Variants in SORCS2 observed in about 807,000 individuals in gnomAD.
The protein encoded by SORCS2 is sortilin related VPS10 domain containing receptor 2, also known as VPS10 domain-containing receptor SorCS2.
Under a neutral mutation model 141.6 loss-of-function variants are expected in SORCS2, and 100 were observed. The ratio of observed to expected loss-of-function variants is 0.71; its 90% CI spans 0.60 to 0.83. The LOEUF is 0.83. Among genes scored for constraint, SORCS2 ranks in the 40% least tolerant of loss-of-function variants. SORCS2 has a pLI of 0.00. For synonymous variants in SORCS2, 789 were observed against 676.9 expected (o/e 1.17, Z -2.57); for missense variants, 1,646 against 1,560.2 (o/e 1.05, Z -0.93).
intron 2 of SORCS2, among the ~76,000 whole-genome samples, chr4:7,435,218 G>T (rs569659814): frequency 6.6e-6 from 1 of 152,294 alleles, no homozygotes; most frequent in Admixed American, 6.5e-5. Flanking sequence ...AGTTCCTGGG[G>T]TTCCCTTCCC....
chr4:7,573,159 A>C (rs769139271), intron 3 of SORCS2, among the ~76,000 whole-genome samples: 11 of 152,244 alleles, frequency 7.2e-5, no homozygotes, highest in Non-Finnish European at 1.2e-4. Flanking sequence ...AAAAATGCGC[A>C]ATCCACCTTT....
At chr4:7,550,109 CGT>C (rs770140477) in intron 3 of SORCS2, among the ~76,000 whole-genome samples, 16 of 129,758 alleles carry the variant, frequency 1.2e-4, no homozygotes, top group Admixed American at 2.4e-4. Flanking sequence ...TTTTTTTTTC[CGT>C]GTGTGTGTGT....
chr4:7,721,251 G>A lies in SORCS2; in HGVS notation c.2425-2446G>A, dbSNP rs140280247. Among the ~76,000 whole-genome samples, 600 of 152,302 alleles carry A rather than the reference G, an allele frequency of 3.9e-3. 2 individuals are homozygous for A. Among genetic ancestry groups the A allele is most frequent in the Admixed American group, 8.3e-3 (127 of 15,306 alleles). The stretch of plus-strand genomic sequence containing the variant: ...AGGCCGAGGTGGGTGGATCAGCTGA[G>A]GTCGGGAGTTCGAGACCAGCCTGGC... On this transcript the variant is annotated intron_variant, in intron 18 of 26. Coordinates refer to ENST00000507866, the MANE Select transcript of SORCS2 (RefSeq NM_020777.3).
At chr4:7,342,321 G>A (rs549859593) in intron 1 of SORCS2, among the ~76,000 whole-genome samples, 5 of 152,356 alleles carry the variant, frequency 3.3e-5, no homozygotes, top group South Asian at 2.1e-4. Context: ...ACGTTGCCCC[G>A]GGCCCTGTGC....
chr4:7,439,212 G>T (rs1560285777), intron 2 of SORCS2, among the ~76,000 whole-genome samples: 1 of 152,088 alleles, frequency 6.6e-6, no homozygotes, highest in East Asian at 1.9e-4. Context: ...ACACACACGT[G>T]TGTATATGTA....
intron 8 of SORCS2, among the ~76,000 whole-genome samples, chr4:7,670,665 C>T (rs1376094129): frequency 6.6e-6 from 1 of 152,180 alleles, no homozygotes; most frequent in African/African-American, 2.4e-5. Context: ...CTTGCAGTTT[C>T]CAGGGCAAGG....
intron 5 of SORCS2, among the ~76,000 whole-genome samples, chr4:7,658,675 GGGTCTGT>G (rs1416533014): frequency 6.6e-6 from 1 of 152,204 alleles, no homozygotes; most frequent in Admixed American, 6.5e-5. Context: ...CACATATGTG[GGGTCTGT>G]GCCACTCAAA....
intron 2 of SORCS2, among the ~76,000 whole-genome samples, chr4:7,519,367 G>A (rs896578798): frequency 9.2e-5 from 14 of 152,190 alleles, no homozygotes; most frequent in African/African-American, 3.4e-4. Flanking sequence ...CCCTCCCACA[G>A]AGCTGGAAGC....
chr4:7,308,927 A>G (rs1003235175), intron 1 of SORCS2, among the ~76,000 whole-genome samples: 1 of 152,144 alleles, frequency 6.6e-6, no homozygotes, highest in African/African-American at 2.4e-5. Context: ...CCTCCATGCC[A>G]AGACCTCCTG....
chr4:7,716,623 G>A (rs13102230), intron 17 of SORCS2, among the ~76,000 whole-genome samples: 70,200 of 151,384 alleles, frequency 0.46, 17,867 homozygotes, highest in Non-Finnish European at 0.59. Context: ...CCACCCATCT[G>A]TCCATCCATC....
chr4:7,724,144 G>GCA, intron 19 of SORCS2, among the ~76,000 whole-genome samples: 1 of 128,466 alleles, frequency 7.8e-6, no homozygotes, highest in Admixed American at 7.5e-5. Flanking sequence ...TGGTGGTGAT[G>GCA]GTCGTGGTGG....
chr4:7,239,626 G>GGCTGGGCCCGGCTGGGTC lies in SORCS2; in HGVS notation c.480+46508_480+46525dup, dbSNP rs538583139. Among the ~76,000 whole-genome samples the GGCTGGGCCCGGCTGGGTC allele has an allele frequency of 3.2e-4, 48 of 152,338 alleles. 1 individual carries two copies. The South Asian group carries it at 6.8e-3, about 22-fold the overall frequency. On this transcript the variant is annotated intron_variant, in intron 1 of 26. Transcript: ENST00000507866. Reference sequence around the variant, plus strand: ...GCTAAAACAGCCCCTGGGGAGCTGGGGCTGGGCCCGGCTGGGTCGCTGGGC... The same window carrying GGCTGGGCCCGGCTGGGTC: ...GCTAAAACAGCCCCTGGGGAGCTGGGGCTGGGCCCGGCTGGGTCGCTGGGCCCGGCTGGGTCGCTGGGC...
intron 2 of SORCS2, among the ~76,000 whole-genome samples, chr4:7,480,973 T>C (rs984746638): frequency 6.6e-6 from 1 of 152,126 alleles, no homozygotes; most frequent in Admixed American, 6.5e-5. Flanking sequence ...GCCTGTGAGG[T>C]GACAGGAGAG....
At chr4:7,621,839 G>C (rs1719215760) in intron 3 of SORCS2, among the ~76,000 whole-genome samples, 1 of 152,216 alleles carries the variant, frequency 6.6e-6, no homozygotes, top group Admixed American at 6.5e-5. Context: ...GAAAAGCGGG[G>C]CTGGCAGCAG....
chr4:7,198,906 C>T (rs1727326922), intron 1 of SORCS2, among the ~76,000 whole-genome samples: 1 of 152,172 alleles, frequency 6.6e-6, no homozygotes, highest in South Asian at 2.1e-4. Context: ...GGCTTCTGCC[C>T]TTGCCCCAGT....
intron 1 of SORCS2, among the ~76,000 whole-genome samples, chr4:7,195,502 G>C (rs991431655): frequency 6.6e-6 from 1 of 152,182 alleles, no homozygotes; most frequent in Admixed American, 6.5e-5. Flanking sequence ...CTCTGGACTG[G>C]GCAGTCAGGG....
intron 1 of SORCS2, among the ~76,000 whole-genome samples, chr4:7,274,196 C>A (rs1336325005): frequency 3.9e-5 from 6 of 152,216 alleles, no homozygotes; most frequent in Non-Finnish European, 8.8e-5. Context: ...AGACTGGGAA[C>A]CCCTTTCCCC....
intron 1 of SORCS2, among the ~76,000 whole-genome samples, chr4:7,270,309 C>T (rs934394460): frequency 6.6e-6 from 1 of 152,280 alleles, no homozygotes; most frequent in Non-Finnish European, 1.5e-5. Flanking sequence ...CAGTGTGCTG[C>T]GTTCCAGAAA....
intron 2 of SORCS2, among the ~76,000 whole-genome samples, chr4:7,473,848 G>T (rs1204220167): frequency 6.6e-6 from 1 of 152,154 alleles, no homozygotes; most frequent in Non-Finnish European, 1.5e-5. Context: ...GCTCTGGCGG[G>T]GTCTGGGGGG....
Sources: gnomAD v4.1 joint callset for allele counts (sites outside exome capture counted in the v4.1 genomes callset) on GRCh38, gnomAD v4.1.1 for gene constraint, MANE v1.5 for transcripts, NCBI Gene and HGNC (gene_info 2026-07-23, HGNC 2026-07-21) for gene names.